KIF4A: variants seen among roughly 807,000 people sequenced by gnomAD.
KIF4A encodes kinesin family member 4A.
In KIF4A, 7 loss-of-function variants were observed where a neutral mutation model predicts 105.9. The observed-to-expected ratio is 0.07, with a 90% CI of 0.04 to 0.12. The LOEUF (loss-of-function observed/expected upper bound fraction) is 0.12, where lower values mean the gene tolerates loss of function less well. Among genes scored for constraint, KIF4A ranks in the 10% least tolerant of loss-of-function variants. KIF4A has a pLI of 1.00. For missense variants in KIF4A, 558 were observed against 929.2 expected, an observed-to-expected ratio of 0.60 and a Z score of 5.19; for synonymous variants, 281 against 331.3, an observed-to-expected ratio of 0.85 and a Z score of 1.65.
At chrX:70,360,014 A>G (rs2086068255) in intron 15 of KIF4A, among the ~76,000 whole-genome samples, 1 of 111,301 alleles carries the variant, frequency 9.0e-6, no homozygotes, top group African/African-American at 3.3e-5. Flanking sequence ...CCTTGTCTTA[A>G]CAAATACGAG....
intron 10 of KIF4A, among the ~76,000 whole-genome samples, chrX:70,337,254 G>T (rs2085953946): frequency 8.9e-6 from 1 of 111,768 alleles, no homozygotes. Flanking sequence ...GTAGGATGAG[G>T]CAGGAGGATT....
chrX:70,317,010 C>T (rs866568466), intron 7 of KIF4A, among the ~76,000 whole-genome samples: 100 of 111,766 alleles, frequency 8.9e-4, no homozygotes, highest in African/African-American at 3.0e-3. Context: ...CAACATTATG[C>T]TTGTGAGGTT....
rs1305774460 is a variant in KIF4A, at chrX:70,316,190, A to G, written c.779-13215A>G. On this transcript the variant is annotated intron_variant, in intron 7 of 30. Transcript: ENST00000374403. ...CAAACTCCCATGAAGGAATGATGAGATTATTCATTTTCCTAAATTCTCTAC... is the reference window on the plus strand; with the variant it reads ...CAAACTCCCATGAAGGAATGATGAGGTTATTCATTTTCCTAAATTCTCTAC... 3.6e-5 allele frequency among the ~76,000 whole-genome samples: 4 copies of G among 112,199 alleles called. No individual in the cohort carries two copies. In the Admixed American group the frequency reaches 3.8e-4, roughly 11 times the overall value.
intron 9 of KIF4A, 33 bp downstream of exon 9, chrX:70,330,365 TA>T: frequency 8.9e-7 from 1 of 1,128,783 alleles, no homozygotes; most frequent in Non-Finnish European, 1.2e-6. Flanking sequence ...TGGGAAAAAT[TA>T]CAAGTATGTG....
Position 70,347,572 on chromosome X carries a change from T to G in KIF4A, c.1431+3590T>G, listed in dbSNP as rs369128474. Among the ~76,000 whole-genome samples the G allele has an allele frequency of 4.5e-4, 50 of 111,964 alleles. 3 individuals carry two copies. The highest frequency in any genetic ancestry group is 3.5e-3 in the Admixed American group (37 of 10,596). Reference sequence around the variant, plus strand: ...TAGAGAAAGTCTCCAAAGGCCAGTGTTTTAGGCCCTAATAATCTAGGACAG... The same window carrying G: ...TAGAGAAAGTCTCCAAAGGCCAGTGGTTTAGGCCCTAATAATCTAGGACAG... On this transcript the variant is annotated intron_variant, in intron 13 of 30. Transcript: ENST00000374403.
At chrX:70,373,839 CACACACAT>C (rs1437948851) in intron 15 of KIF4A, among the ~76,000 whole-genome samples, 1 of 94,492 alleles carries the variant, frequency 1.1e-5, no homozygotes, top group Admixed American at 1.3e-4. Context: ...CACACACACA[CACACACAT>C]ACACACACAC....
At chrX:70,322,039 G>T (rs2085892434) in intron 7 of KIF4A, among the ~76,000 whole-genome samples, 1 of 109,669 alleles carries the variant, frequency 9.1e-6, no homozygotes, top group Non-Finnish European at 1.9e-5. Flanking sequence ...TTTGTCCTGG[G>T]ATATTTTCTT....
At chrX:70,340,319 T>C (rs1194628604) in intron 10 of KIF4A, among the ~76,000 whole-genome samples, 2 of 112,014 alleles carry the variant, frequency 1.8e-5, no homozygotes, top group East Asian at 5.6e-4. Context: ...ATTATAGTGG[T>C]ATTTAAATAT....
At chrX:70,292,312 T>C (rs2085764387) in intron 3 of KIF4A, among the ~76,000 whole-genome samples, 1 of 112,627 alleles carries the variant, frequency 8.9e-6, no homozygotes, top group African/African-American at 3.2e-5. Context: ...AATCACGTTT[T>C]ATTTAGTTTT....
At chrX:70,350,214 C>T (rs1367184624) in intron 13 of KIF4A, among the ~76,000 whole-genome samples, 1 of 111,258 alleles carries the variant, frequency 9.0e-6, no homozygotes, top group Admixed American at 9.5e-5. Context: ...ATTGAGTGAG[C>T]GAGACTCCGT....
chrX:70,349,082 G>T (rs1271845170), intron 13 of KIF4A, among the ~76,000 whole-genome samples: 1 of 97,629 alleles, frequency 1.0e-5, no homozygotes, highest in African/African-American at 3.9e-5. Context: ...CCTCCCAGAG[G>T]GGGCGGCCGG....
chrX:70,301,861 G>C, intron 5 of KIF4A, 39 bp from the exon 6 acceptor site: 1 of 1,191,818 alleles, frequency 8.4e-7, no homozygotes, highest in Non-Finnish European at 1.1e-6. Flanking sequence ...AGCATTTGAA[G>C]TATAAATCAT....
Position 70,330,251 on chromosome X carries a change from T to A in KIF4A, c.990T>A (p.Ala330=), listed in dbSNP as rs757025451. 1.7e-6 allele frequency: 2 copies of A among 1,211,618 alleles called. No individual in the cohort carries two copies. Among genetic ancestry groups the A allele is most frequent in the Non-Finnish European group, 2.2e-6 (2 of 895,246 alleles). ...AAACATTAAATACCCTTCGCTATGC[T>A]GACAGAGCAAGAAAAATCAAGAACA... is the stretch of plus-strand genomic sequence containing the variant. ...LEETLNTLRY[A]DRARKIKNKP... is the part of the protein sequence containing the mutation. Residue 330 remains alanine (A), a synonymous_variant, in exon 9 of 31, where the codon GCT becomes GCA. Coordinates refer to ENST00000374403, the MANE Select transcript of KIF4A (RefSeq NM_012310.5).
At chrX:70,368,227 G>A (rs183346700) in intron 15 of KIF4A, among the ~76,000 whole-genome samples, 28 of 111,758 alleles carry the variant, frequency 2.5e-4, no homozygotes, top group Non-Finnish European at 4.3e-4. Context: ...TAGTTTGATC[G>A]TCTGAAGCCT....
rs1021199879 is a variant in KIF4A at position 70,344,064 on chromosome X, G to T, written c.1431+82G>T. On this transcript the variant is annotated intron_variant, in intron 13 of 30. Transcript: ENST00000374403. The stretch of plus-strand genomic sequence containing the variant: ...CACATACAAGCCTTTCTAGCTCTGT[G>T]CCTTTTGCTGAAACAACTAGATTGT... 1.7e-5 allele frequency: 12 copies of T among 704,452 alleles called. No individual in the cohort carries two copies. In the African/African-American group the frequency reaches 2.6e-4, roughly 15 times the overall value. The allele number at this position is 704,452 out of a possible 1,213,427, so 58.1% of individuals were successfully genotyped here.
chrX:70,349,699 G>A (rs1346666708), intron 13 of KIF4A, among the ~76,000 whole-genome samples: 9 of 82,601 alleles, frequency 1.1e-4, no homozygotes, highest in Non-Finnish European at 2.1e-4. Flanking sequence ...CGGGGTGGCG[G>A]CCGGGCAGAG....
intron 18 of KIF4A, among the ~76,000 whole-genome samples, 196 bp downstream of exon 18, chrX:70,376,406 A>G (rs961038742): frequency 2.7e-5 from 3 of 112,128 alleles, no homozygotes; most frequent in Non-Finnish European, 5.6e-5. Context: ...AAATAGAAAA[A>G]TTAGTAGTAT....
At chrX:70,316,609 C>T (rs1223579284) in intron 7 of KIF4A, among the ~76,000 whole-genome samples, 1 of 99,168 alleles carries the variant, frequency 1.0e-5, no homozygotes, top group Non-Finnish European at 2.0e-5. Flanking sequence ...ATAATGATAT[C>T]AAGTCATCAT....
chrX:70,304,649 C>CTT (rs138222376), intron 7 of KIF4A, among the ~76,000 whole-genome samples: 2,164 of 51,380 alleles, frequency 0.042, 70 homozygotes, highest in Non-Finnish European at 0.055. Context: ...TACTTCATTC[C>CTT]TTTTTTTTTT....
Sources: gnomAD v4.1 joint callset for allele counts (sites outside exome capture counted in the v4.1 genomes callset) on GRCh38, gnomAD v4.1.1 for gene constraint, MANE v1.5 for transcripts, NCBI Gene and HGNC (gene_info 2026-07-23, HGNC 2026-07-21) for gene names.